The following PTPRD variants were observed in gnomAD, a reference collection of about 807,000 sequenced individuals.
PTPRD encodes the protein receptor-type tyrosine-protein phosphatase delta.
PTPRD carries 34 observed loss-of-function variants against 214.5 expected under a neutral mutation model. The observed-to-expected ratio is 0.16, with a 90% CI of 0.12 to 0.21. The LOEUF (loss-of-function observed/expected upper bound fraction) is 0.21, where lower values mean the gene tolerates loss of function less well. PTPRD is among the 10% of genes least tolerant of loss of function. PTPRD has a pLI of 1.00. For missense variants in PTPRD, 2,545 were observed against 2,398.7 expected (o/e 1.06, Z -1.27); for synonymous variants, 1,128 against 845.7 (o/e 1.33, Z -5.79).
intron 11 of PTPRD, among the ~76,000 whole-genome samples, chr9:8,795,888 A>C (rs1418228484): frequency 6.6e-6 from 1 of 152,174 alleles, no homozygotes; most frequent in African/African-American, 2.4e-5. Context: ...AAAATGCATA[A>C]AAGTATGCAC....
intron 7 of PTPRD, among the ~76,000 whole-genome samples, chr9:9,656,622 G>A (rs368907256): frequency 6.6e-6 from 1 of 152,154 alleles, no homozygotes; most frequent in Non-Finnish European, 1.5e-5. Context: ...TTAGGGAGCA[G>A]TGCAGAGGAA....
intron 2 of PTPRD, among the ~76,000 whole-genome samples, chr9:10,468,295 C>G (rs1588875923): frequency 1.3e-5 from 2 of 152,156 alleles, no homozygotes; most frequent in African/African-American, 4.8e-5. Context: ...TGTGGCACAT[C>G]TACACCATGG....
chr9:10,195,014 C>T (rs577419593), intron 3 of PTPRD, among the ~76,000 whole-genome samples: 7 of 149,250 alleles, frequency 4.7e-5, no homozygotes, highest in Non-Finnish European at 1.0e-4. Context: ...CTCACTGTAA[C>T]CTCTGCCTCC....
At position 9,495,057 on chromosome 9, in the gene PTPRD, A is replaced by G. The variant is rs75098108; in HGVS notation, c.-237+79675T>C. On this transcript the variant is annotated intron_variant, in intron 8 of 45. Transcript: ENST00000381196. Reference sequence around the variant, plus strand: ...TTGACAAGAGCACCAAGAGCATTCAATGGGGGAAACTATAGTCTTTTCAAT... The same window carrying G: ...TTGACAAGAGCACCAAGAGCATTCAGTGGGGGAAACTATAGTCTTTTCAAT... Among the ~76,000 whole-genome samples the G allele has an allele frequency of 1.3e-3, 196 of 152,282 alleles. 1 individual carries two copies. Among genetic ancestry groups the G allele is most frequent in the Non-Finnish European group, 2.4e-3 (162 of 68,020 alleles).
At chr9:8,638,538 C>A (rs1005004274) in intron 12 of PTPRD, among the ~76,000 whole-genome samples, 1 of 152,062 alleles carries the variant, frequency 6.6e-6, no homozygotes, top group Non-Finnish European at 1.5e-5. Flanking sequence ...AATTAATTTG[C>A]AGAAATTGCT....
intron 2 of PTPRD, among the ~76,000 whole-genome samples, chr9:10,581,576 T>C (rs1357532551): frequency 6.6e-6 from 1 of 152,180 alleles, no homozygotes; most frequent in African/African-American, 2.4e-5. Flanking sequence ...TTTGATGCTA[T>C]TCCCAATGAT....
At chr9:8,702,840 C>G (rs896855463) in intron 12 of PTPRD, among the ~76,000 whole-genome samples, 1 of 152,188 alleles carries the variant, frequency 6.6e-6, no homozygotes, top group Admixed American at 6.5e-5. Flanking sequence ...AACTCCTGAT[C>G]TTGTGATTCG....
At chr9:10,173,164 A>G (rs551971864) in intron 3 of PTPRD, among the ~76,000 whole-genome samples, 83 of 152,282 alleles carry the variant, frequency 5.5e-4, no homozygotes, top group Non-Finnish European at 6.8e-4. Context: ...TTGTGATTAG[A>G]TACACTTGTG....
chr9:10,113,872 T>C (rs1443791778), intron 3 of PTPRD, among the ~76,000 whole-genome samples: 2 of 152,172 alleles, frequency 1.3e-5, no homozygotes, highest in Admixed American at 1.3e-4. Context: ...AGCAAGAATC[T>C]GGGAAAAGAC....
chr9:8,992,937 T>C (rs1444117611), intron 11 of PTPRD, among the ~76,000 whole-genome samples: 1 of 152,110 alleles, frequency 6.6e-6, no homozygotes. Context: ...TGATTTTGGT[T>C]TGCAATTTGC....
chr9:9,781,420 G>C (rs952779848), intron 5 of PTPRD, among the ~76,000 whole-genome samples: 1 of 152,136 alleles, frequency 6.6e-6, no homozygotes, highest in African/African-American at 2.4e-5. Flanking sequence ...TAAATGCTAT[G>C]TAATGGGAAA....
intron 14 of PTPRD, among the ~76,000 whole-genome samples, chr9:8,564,247 T>C (rs1394499338): frequency 2.0e-5 from 3 of 152,172 alleles, no homozygotes; most frequent in African/African-American, 7.2e-5. Flanking sequence ...GGCTAAGCTA[T>C]GATGTTCAGT....
At chr9:8,736,970 G>C (rs575382788) in intron 11 of PTPRD, among the ~76,000 whole-genome samples, 2 of 152,120 alleles carry the variant, frequency 1.3e-5, no homozygotes, top group African/African-American at 4.8e-5. Flanking sequence ...TCAAATGACA[G>C]CAAAGTCCAG....
chr9:10,328,094 C>T (rs2096677811), intron 3 of PTPRD, among the ~76,000 whole-genome samples: 1 of 151,676 alleles, frequency 6.6e-6, no homozygotes, highest in Non-Finnish European at 1.5e-5. Context: ...AACAAAAAAA[C>T]TTTTGACTCA....
chr9:9,724,001 A>T (rs1194625444), intron 7 of PTPRD, among the ~76,000 whole-genome samples: 3 of 151,986 alleles, frequency 2.0e-5, no homozygotes, highest in African/African-American at 7.2e-5. Flanking sequence ...TTTCTTTCTC[A>T]ATTGCCCTGG....
At chr9:8,527,671 T>C (rs2074559898) in intron 15 of PTPRD, among the ~76,000 whole-genome samples, 1 of 152,110 alleles carries the variant, frequency 6.6e-6, no homozygotes, top group African/African-American at 2.4e-5. Flanking sequence ...CAGCTTATTA[T>C]TATATATCCC....
intron 11 of PTPRD, among the ~76,000 whole-genome samples, chr9:8,744,793 T>C (rs995379041): frequency 6.6e-6 from 1 of 152,178 alleles, no homozygotes; most frequent in African/African-American, 2.4e-5. Context: ...CAAAAACCTA[T>C]TGAAATAAAA....
chr9:10,187,314 T>C (rs1324013714), intron 3 of PTPRD, among the ~76,000 whole-genome samples: 1 of 152,136 alleles, frequency 6.6e-6, no homozygotes, highest in East Asian at 1.9e-4. Flanking sequence ...TTACATGCAG[T>C]TTACCAAAAA....
At chr9:9,911,404 C>T (rs1243365421) in intron 5 of PTPRD, among the ~76,000 whole-genome samples, 1 of 147,996 alleles carries the variant, frequency 6.8e-6, no homozygotes, top group Non-Finnish European at 1.5e-5. Flanking sequence ...ATTAGCCACA[C>T]CATAAAGAAG....
Sources: allele counts gnomAD v4.1 joint callset (sites outside exome capture counted in the v4.1 genomes callset), GRCh38; gene constraint gnomAD v4.1.1; transcripts MANE v1.5; gene names NCBI Gene and HGNC (gene_info 2026-07-23, HGNC 2026-07-21).